The following IL31RA variants were observed in gnomAD, a reference collection of about 807,000 sequenced individuals.
The protein encoded by IL31RA is interleukin 31 receptor A.
A neutral mutation model predicts 83.7 loss-of-function variants in IL31RA; 66 were observed. The observed-to-expected ratio is 0.79, with a 90% CI of 0.65 to 0.97. The LOEUF is 0.97. IL31RA is among the 50% of genes least tolerant of loss of function. The pLI is 0.00. For synonymous variants in IL31RA, 325 were observed against 329.0 expected (o/e 0.99, Z 0.13); for missense variants, 798 against 919.4 (o/e 0.87, Z 1.71).
At position 55,893,425 on chromosome 5, in the gene IL31RA, A is replaced by C. The variant is rs1465219331; in HGVS notation, c.773-2925A>C. 1.3e-5 allele frequency among the ~76,000 whole-genome samples: 2 copies of C among 152,384 alleles called. 1 individual carries two copies. On this transcript the variant is annotated intron_variant, in intron 6 of 14. Coordinates refer to ENST00000652347, the MANE Select transcript of IL31RA (RefSeq NM_139017.7). ...ACTGCTGCTGGTTGTGGGGATGCCC[A>C]TACTGTCATAGAAATGGTATAGCAT...
chr5:55,842,611 C>T, the IL31RA span, among the ~76,000 whole-genome samples: 1 of 152,176 alleles, frequency 6.6e-6, no homozygotes, highest in Non-Finnish European at 1.5e-5. Context: ...TAATGACTTG[C>T]CTTTCCCATT....
In IL31RA at chr5:55,900,131, AT is replaced by A. The variant is rs763442366; in HGVS notation, c.1069del (p.Ser357HisfsTer17). On this transcript the variant is annotated frameshift_variant and splice_region_variant, in exon 8 of 15. Coordinates refer to ENST00000652347, the MANE Select transcript of IL31RA (RefSeq NM_139017.7). LOFTEE classifies it high-confidence loss of function. ...TGAGGATTCCAGCTATTCAAGAAAA[AT>A]GTAAGTAGAGCATCAACTTCTTCCT... ...TLRIPAIQEK[S>X]FQCIEVMQAC... 2.5e-6 allele frequency: 4 copies of A among 1,604,992 alleles called. No individual in the cohort carries two copies. In the South Asian group the frequency reaches 4.4e-5, roughly 18 times the overall value.
chr5:55,841,239 C>T, the IL31RA span, among the ~76,000 whole-genome samples: 1 of 152,116 alleles, frequency 6.6e-6, no homozygotes, highest in African/African-American at 2.4e-5. Context: ...ATTCAGAGAC[C>T]TTTTATTGCT....
chr5:55,847,251 ATAAATAAAT>A (rs1561530265), upstream of IL31RA, among the ~76,000 whole-genome samples: 4 of 90,224 alleles, frequency 4.4e-5, no homozygotes, highest in African/African-American at 1.3e-4. Context: ...ATAAAAATAA[ATAAATAAAT>A]AAATAAATAA....
intron 11 of IL31RA, among the ~76,000 whole-genome samples, chr5:55,910,266 T>G (rs1325425075): frequency 6.6e-6 from 1 of 152,232 alleles, no homozygotes; most frequent in African/African-American, 2.4e-5. Flanking sequence ...ATGTTTGTGT[T>G]TTTAGTGTCA....
intron 4 of IL31RA, among the ~76,000 whole-genome samples, chr5:55,881,716 A>ATTTTTTTTT (rs34217814): frequency 1.7e-5 from 1 of 59,650 alleles, no homozygotes; most frequent in African/African-American, 7.3e-5. Flanking sequence ...AGTTCCTGAG[A>ATTTTTTTTT]TTTTTTTTTT....
intron 8 of IL31RA, 88 bp downstream of exon 8, chr5:55,900,220 C>A: frequency 1.1e-6 from 1 of 947,122 alleles, no homozygotes. Context: ...GTGGCTGTTT[C>A]TCTTGAGTCA....
chr5:55,887,809 C>A (rs1448865476), intron 5 of IL31RA, among the ~76,000 whole-genome samples: 1 of 151,868 alleles, frequency 6.6e-6, no homozygotes, highest in Non-Finnish European at 1.5e-5. Context: ...GGCATGAACC[C>A]AGGAGGTGGA....
chr5:55,855,873 C>T (rs957420180), intron 1 of IL31RA, among the ~76,000 whole-genome samples: 1 of 152,092 alleles, frequency 6.6e-6, no homozygotes, highest in Non-Finnish European at 1.5e-5. Context: ...AGGTTTACAT[C>T]TCTTTTGTTG....
rs950278734 is a variant in IL31RA, at chr5:55,903,107, G to A, written c.1069+2975G>A. Among the ~76,000 whole-genome samples, 9 of 152,222 alleles carry A rather than the reference G, an allele frequency of 5.9e-5. No individual in the cohort carries two copies. Among genetic ancestry groups the A allele is most frequent in the African/African-American group, 2.2e-4 (9 of 41,450 alleles). On this transcript the variant is annotated intron_variant, in intron 8 of 14. Coordinates refer to ENST00000652347, the MANE Select transcript of IL31RA (RefSeq NM_139017.7). The surrounding 1 kb of genome is among the most constrained non-coding windows in gnomAD (Gnocchi z 4.7). ...TCTTGGAATAAGGGCTTGGAATGAGGTTCCTTCTGCTCAGCACGCCCTGGG... is the reference window on the plus strand; with the variant it reads ...TCTTGGAATAAGGGCTTGGAATGAGATTCCTTCTGCTCAGCACGCCCTGGG...
chr5:55,859,617 CT>C lies in IL31RA; in HGVS notation c.154+22del. The stretch of plus-strand genomic sequence containing the variant: ...CCTGGCAGGTAGGTTGACCTGGGCC[CT>C]TTTACAGATCATGTGATTATTATTG... On this transcript the variant is annotated intron_variant, in intron 2 of 14. Coordinates refer to ENST00000652347, the MANE Select transcript of IL31RA (RefSeq NM_139017.7). 6.6e-7 allele frequency: 1 copy of C among 1,509,742 alleles called. No individual in the cohort carries two copies. The highest frequency in any genetic ancestry group is 9.2e-7 in the Non-Finnish European group (1 of 1,084,496). 93.5% of individuals were successfully genotyped at this position (1,509,742 alleles called of 1,614,324 possible).
intron 4 of IL31RA, among the ~76,000 whole-genome samples, chr5:55,872,692 A>G (rs1431337559): frequency 6.6e-6 from 1 of 152,006 alleles, no homozygotes; most frequent in Non-Finnish European, 1.5e-5. Context: ...AACAAAAGCT[A>G]TTTTGTGGGC....
chr5:55,872,751 G>T (rs745886535), intron 4 of IL31RA, among the ~76,000 whole-genome samples: 4 of 151,864 alleles, frequency 2.6e-5, no homozygotes, highest in African/African-American at 9.7e-5. Context: ...AAACAAAAAG[G>T]TCTCTCCCCA....
chr5:55,864,949 T>C (rs1478256033), intron 2 of IL31RA, among the ~76,000 whole-genome samples: 1 of 152,074 alleles, frequency 6.6e-6, no homozygotes, highest in Admixed American at 6.5e-5. Flanking sequence ...TGCCCTTATC[T>C]CTGAGCCATG....
upstream of IL31RA, among the ~76,000 whole-genome samples, chr5:55,847,789 T>A (rs965195466): frequency 6.6e-6 from 1 of 152,238 alleles, no homozygotes; most frequent in Admixed American, 6.5e-5. Flanking sequence ...CAGGATCCAA[T>A]GCAAGCTACC....
chr5:55,904,481 C>G (rs1225641263), intron 8 of IL31RA, among the ~76,000 whole-genome samples: 1 of 152,188 alleles, frequency 6.6e-6, no homozygotes, highest in East Asian at 1.9e-4. Flanking sequence ...AGGAGAAACT[C>G]AGAGCCCTAG....
At position 55,919,521 on chromosome 5, in the gene IL31RA, C is replaced by T. The variant is rs1396010871; in HGVS notation, c.*2401C>T. Among the ~76,000 whole-genome samples the T allele has an allele frequency of 1.3e-5, 2 of 152,248 alleles. No individual in the cohort carries two copies. The highest frequency in any genetic ancestry group is 3.8e-4 in the East Asian group (2 of 5,202). ...TCATTTCTTCTTTCCTTTCTCTCCT[C>T]TTGCCCCTATCTTGTGCTTTGTTTT... On this transcript the variant is annotated 3_prime_UTR_variant, in exon 15 of 15. Coordinates refer to ENST00000652347, the MANE Select transcript of IL31RA (RefSeq NM_139017.7).
At chr5:55,889,917 G>A in intron 5 of IL31RA, 53 bp from the exon 6 acceptor site, 1 of 1,535,816 alleles carries the variant, frequency 6.5e-7, no homozygotes, top group Non-Finnish European at 9.0e-7. Context: ...AGAGGAAAAT[G>A]GGAGGATAAC....
chr5:55,845,877 G>T, the IL31RA span, among the ~76,000 whole-genome samples: 1 of 152,102 alleles, frequency 6.6e-6, no homozygotes, highest in Non-Finnish European at 1.5e-5. Flanking sequence ...ACTCCCCTCT[G>T]TCCCTCTGCT....
Sources: allele counts gnomAD v4.1 joint callset (sites outside exome capture counted in the v4.1 genomes callset), GRCh38; gene constraint gnomAD v4.1.1; non-coding constraint Gnocchi (gnomAD v3.1); transcripts MANE v1.5; gene names NCBI Gene and HGNC (gene_info 2026-07-23, HGNC 2026-07-21).